The following FHL5 variants were observed in gnomAD, a reference collection of about 807,000 sequenced individuals.
FHL5 encodes four and a half LIM domains protein 5.
In FHL5, 33 loss-of-function variants were observed where a neutral mutation model predicts 32.0. The ratio of observed to expected loss-of-function variants is 1.03; its 90% CI spans 0.78 to 1.38. FHL5 has a LOEUF of 1.38. Ranked by LOEUF, FHL5 falls within the 40% of genes most tolerant of loss-of-function variation. The pLI is 0.00. For missense variants in FHL5, 336 were observed against 343.9 expected, an observed-to-expected ratio of 0.98 and a Z score of 0.18; for synonymous variants, 114 against 113.6, an observed-to-expected ratio of 1.00 and a Z score of -0.02.
At chr6:96,572,294 C>T (rs1032270590) in intron 1 of FHL5, among the ~76,000 whole-genome samples, 1 of 152,100 alleles carries the variant, frequency 6.6e-6, no homozygotes, top group Non-Finnish European at 1.5e-5. Context: ...TGCAGGGCAC[C>T]ACTTCAACTT....
chr6:96,606,243 T>A (rs930636581), intron 4 of FHL5, among the ~76,000 whole-genome samples, 172 bp downstream of exon 4: 5 of 151,974 alleles, frequency 3.3e-5, no homozygotes, highest in Admixed American at 3.3e-4. Flanking sequence ...AGCATGACCA[T>A]CTTTTTTTTT....
chr6:96,608,025 A>T (rs1771321698), intron 4 of FHL5, among the ~76,000 whole-genome samples: 1 of 152,072 alleles, frequency 6.6e-6, no homozygotes, highest in Non-Finnish European at 1.5e-5. Flanking sequence ...TAAAGAAAAT[A>T]AAATCTTGCT....
chr6:96,603,550 C>A, intron 1 of FHL5, 52 bp from the exon 2 acceptor site: 2 of 1,305,146 alleles, frequency 1.5e-6, no homozygotes, highest in Non-Finnish European at 2.2e-6. Flanking sequence ...CATCATTTAT[C>A]CTATAAACAA....
chr6:96,597,846 A>G (rs1206966483), intron 1 of FHL5, among the ~76,000 whole-genome samples: 1 of 152,152 alleles, frequency 6.6e-6, no homozygotes, highest in Non-Finnish European at 1.5e-5. Flanking sequence ...TCAGTTTCTA[A>G]AAGGTATAGA....
chr6:96,586,337 A>G (rs763854021), intron 1 of FHL5, among the ~76,000 whole-genome samples: 3 of 152,240 alleles, frequency 2.0e-5, no homozygotes, highest in Non-Finnish European at 4.4e-5. Context: ...TTATTTAAAA[A>G]CTAAGCATGT....
In FHL5 at chr6:96,613,611, A is replaced by C. The variant is rs182238093; in HGVS notation, c.692-1998A>C. ...GTTTATTTCAAGGAAAAGGAATTTC[A>C]AATGTTGTGGCTTCTTCAGAGAGTG... On this transcript the variant is annotated intron_variant, in intron 5 of 5. Coordinates refer to ENST00000450218, the MANE Select transcript of FHL5 (RefSeq NM_001322466.2). 2.4e-3 allele frequency among the ~76,000 whole-genome samples: 369 copies of C among 152,324 alleles called. 1 individual carries two copies. The highest frequency in any genetic ancestry group is 5.8e-3 in the African/African-American group (243 of 41,570).
intron 1 of FHL5, among the ~76,000 whole-genome samples, chr6:96,574,266 C>T (rs1014725742): frequency 6.6e-6 from 1 of 152,036 alleles, no homozygotes; most frequent in African/African-American, 2.4e-5. Context: ...TAACAAACAC[C>T]CAGCAAAATA....
intron 1 of FHL5, among the ~76,000 whole-genome samples, chr6:96,588,016 C>T (rs900057639): frequency 1.3e-5 from 2 of 152,180 alleles, no homozygotes; most frequent in Admixed American, 1.3e-4. Flanking sequence ...CTAGTATAAA[C>T]TCCGTGGCTG....
chr6:96,582,200 G>A (rs1024647613), intron 1 of FHL5, among the ~76,000 whole-genome samples: 10 of 151,994 alleles, frequency 6.6e-5, no homozygotes, highest in African/African-American at 1.9e-4. Context: ...AAATGATTGC[G>A]GTTTCTTTGG....
At chr6:96,615,462 C>T in intron 5 of FHL5, 147 bp from the exon 6 acceptor site, 1 of 543,362 alleles carries the variant, frequency 1.8e-6, no homozygotes, top group Non-Finnish European at 3.0e-6. Flanking sequence ...GGACACAGGG[C>T]CAGGAAGCAG....
chr6:96,583,808 G>A (rs562196327), intron 1 of FHL5, among the ~76,000 whole-genome samples: 1 of 152,144 alleles, frequency 6.6e-6, no homozygotes, highest in South Asian at 2.1e-4. Flanking sequence ...TTATTCCCTA[G>A]CTGTTATGCT....
At chr6:96,606,195 G>A (rs1771274974) in intron 4 of FHL5, 124 bp downstream of exon 4, 1 of 741,540 alleles carries the variant, frequency 1.3e-6, no homozygotes, top group Non-Finnish European at 2.1e-6. Flanking sequence ...ATGGTAGTTT[G>A]GACTTTCAAC....
Position 96,604,833 on chromosome 6 carries a change from T to C in FHL5, c.243T>C (p.Phe81=), listed in dbSNP as rs1771236916. 6.2e-7 allele frequency: 1 copy of C among 1,614,000 alleles called. No homozygotes were observed. Among genetic ancestry groups the C allele is most frequent in the African/African-American group, 1.3e-5 (1 of 74,952 alleles). ...ATCACTCTTTGGTGGAAAAGCCTTT[T>C]GCTGCCAAGGATGAGCGCCTGCTGT... ...KCNHSLVEKP[F]AAKDERLLCT... Residue 81 remains phenylalanine (F), a synonymous_variant, in exon 3 of 6, where the codon TTT becomes TTC. Transcript: ENST00000450218.
At chr6:96,607,212 A>G (rs1450724732) in intron 4 of FHL5, among the ~76,000 whole-genome samples, 2 of 150,622 alleles carry the variant, frequency 1.3e-5, no homozygotes, top group Non-Finnish European at 2.9e-5. Context: ...GCGAGGCATC[A>G]TAAGTTTAAA....
Position 96,606,095 on chromosome 6 carries a change from C to T in FHL5, c.504+24C>T, listed in dbSNP as rs200808875. The T allele has an allele frequency of 1.3e-4, 209 of 1,592,484 alleles. 5 individuals carry two copies. In the South Asian group the frequency reaches 2.0e-3, roughly 15 times the overall value. On this transcript the variant is annotated intron_variant, in intron 4 of 5. Coordinates refer to ENST00000450218, the MANE Select transcript of FHL5 (RefSeq NM_001322466.2). Reference sequence around the variant, plus strand: ...AGGTAATTTTCTAAAGAGGGTGAAGCTTGTGGAAACTCAGACTATTTCTTT... The same window carrying T: ...AGGTAATTTTCTAAAGAGGGTGAAGTTTGTGGAAACTCAGACTATTTCTTT...
At chr6:96,585,866 A>C (rs558351553) in intron 1 of FHL5, among the ~76,000 whole-genome samples, 3 of 152,322 alleles carry the variant, frequency 2.0e-5, no homozygotes, top group South Asian at 4.1e-4. Context: ...AAAACATGTA[A>C]TCTATAGCAG....
chr6:96,602,185 C>A (rs1161093990), intron 1 of FHL5, among the ~76,000 whole-genome samples: 1 of 152,086 alleles, frequency 6.6e-6, no homozygotes, highest in Non-Finnish European at 1.5e-5. Flanking sequence ...GTAGTCAGTA[C>A]AAACTAGTAT....
At chr6:96,606,589 T>C (rs762518327) in intron 4 of FHL5, among the ~76,000 whole-genome samples, 3 of 152,120 alleles carry the variant, frequency 2.0e-5, no homozygotes, top group Non-Finnish European at 2.9e-5. Flanking sequence ...TGACCTCAGG[T>C]GATCCACCTG....
chr6:96,563,902 T>C (rs1309097189), intron 1 of FHL5, among the ~76,000 whole-genome samples: 1 of 152,184 alleles, frequency 6.6e-6, no homozygotes, highest in East Asian at 1.9e-4. Flanking sequence ...TCTTTAATTT[T>C]CTAAGGTTAA....
Sources: allele counts gnomAD v4.1 joint callset (sites outside exome capture counted in the v4.1 genomes callset), GRCh38; gene constraint gnomAD v4.1.1; transcripts MANE v1.5; gene names NCBI Gene and HGNC (gene_info 2026-07-23, HGNC 2026-07-21).